SIRT2: variants seen among roughly 807,000 people sequenced by gnomAD.
The protein encoded by SIRT2 is sirtuin 2, also known as NAD-dependent protein deacetylase sirtuin-2.
In SIRT2, 40 loss-of-function variants were observed where a neutral mutation model predicts 57.4. That is an observed-to-expected ratio of 0.70 (90% CI 0.54 to 0.91). The LOEUF is 0.91. SIRT2 is among the 40% of genes least tolerant of loss of function. SIRT2 has a pLI of 0.00. For synonymous variants in SIRT2, 161 were observed against 195.7 expected (o/e 0.82, Z 1.48); for missense variants, 439 against 510.4 (o/e 0.86, Z 1.35).
At chr19:38,894,938 C>T (rs1464611390) in intron 2 of SIRT2, 1 of 455,902 alleles carries the variant, frequency 2.2e-6, no homozygotes, top group Non-Finnish European at 4.4e-6. Flanking sequence ...CCCTAGGTGC[C>T]CCCCAGCCTC....
intron 2 of SIRT2, chr19:38,894,968 A>T: frequency 6.6e-6 from 3 of 454,316 alleles, no homozygotes; most frequent in Non-Finnish European, 1.3e-5. Flanking sequence ...CTATGTCCCA[A>T]ATGGACCCTG....
Position 38,897,678 on chromosome 19 carries a change from C to T in SIRT2, c.63+701G>A, listed in dbSNP as rs143218424. Among the ~76,000 whole-genome samples the T allele has an allele frequency of 9.2e-4, 140 of 152,238 alleles. 1 individual carries two copies. The highest frequency in any genetic ancestry group is 3.4e-3 in the Middle Eastern group (1 of 294). On this transcript the variant is annotated intron_variant, in intron 2 of 15. Transcript: ENST00000249396. The stretch of plus-strand genomic sequence containing the variant: ...TAGCTGGCAATGCAGGCATGCACCA[C>T]TACACATGGCTAATTTTTAAATATT...
rs532115883 is a variant in SIRT2, at chr19:38,888,973, G to A, written c.501+114C>T. 39 of 892,546 alleles carry A rather than the reference G, an allele frequency of 4.4e-5. No individual in the cohort carries two copies. The African/African-American group carries it at 4.7e-4, about 11-fold the overall frequency. 55.3% of individuals were successfully genotyped at this position (892,546 alleles called of 1,614,324 possible). A position where few individuals can be genotyped will look rare whatever the true frequency, so the allele number is the denominator to read the frequency against. ...AGGCAGTAGGCCAAGCCCTGGCCCC[G>A]CATTGCTGGAGTCCCCGCCTGAGCT... is the stretch of plus-strand genomic sequence containing the variant. On this transcript the variant is annotated intron_variant, in intron 8 of 15. Coordinates refer to ENST00000249396, the MANE Select transcript of SIRT2 (RefSeq NM_012237.4).
chr19:38,879,234 C>T lies in SIRT2; in HGVS notation c.1091G>A (p.Ser364Asn), dbSNP rs1309839331. The change falls in exon 16 of 16, where the codon AGC becomes AAC. Residue 364 changes from serine (S) to asparagine (N), a missense_variant. Coordinates refer to ENST00000249396, the MANE Select transcript of SIRT2 (RefSeq NM_012237.4). ...AQSGAGVPNP[S>N]TSASPKKSPP... is the part of the protein sequence containing the mutation. ...GGACTTCTTGGGGGAAGCTGAAGTG[C>T]TGGGGTTGGGGACCCCCGCCCCCGA... 6.2e-7 allele frequency: 1 copy of T among 1,602,324 alleles called. No individual in the cohort carries two copies. Among genetic ancestry groups the T allele is most frequent in the Non-Finnish European group, 8.5e-7 (1 of 1,176,778 alleles).
chr19:38,889,637 G>A (rs1019519021), intron 7 of SIRT2, 52 bp downstream of exon 7: 18 of 1,601,192 alleles, frequency 1.1e-5, no homozygotes, highest in East Asian at 2.2e-5. Flanking sequence ...CTTCTCATGC[G>A]TGCCCTCCCC....
rs533649015 is a variant in SIRT2, at chr19:38,880,425, C to A, written c.876+260G>T. Reference sequence around the variant, plus strand: ...GCACTGTCTCTCCTGACCCCTGCACCCCCTCCCACCTCCTCAGTCCCTGGA... The same window carrying A: ...GCACTGTCTCTCCTGACCCCTGCACACCCTCCCACCTCCTCAGTCCCTGGA... On this transcript the variant is annotated intron_variant, in intron 13 of 15. Coordinates refer to ENST00000249396, the MANE Select transcript of SIRT2 (RefSeq NM_012237.4). This position sits in a 1 kb window ranked among gnomAD's most constrained non-coding sequence, Gnocchi z 4.1. 2.8e-5 allele frequency: 12 copies of A among 430,222 alleles called. No homozygotes were observed. The South Asian group carries it at 5.6e-4, about 20-fold the overall frequency. 26.7% of individuals were successfully genotyped at this position (430,222 alleles called of 1,614,324 possible).
In SIRT2 at chr19:38,888,893, G is replaced by A. The variant is rs528397703; in HGVS notation, c.501+194C>T. Among the ~76,000 whole-genome samples, 24 of 152,368 alleles carry A rather than the reference G, an allele frequency of 1.6e-4. No individual in the cohort carries two copies. In the East Asian group the frequency reaches 1.9e-3, roughly 12 times the overall value. On this transcript the variant is annotated intron_variant, in intron 8 of 15. Coordinates refer to ENST00000249396, the MANE Select transcript of SIRT2 (RefSeq NM_012237.4). ...AAACCTTTTCTGGCCCCTGTTTGACGGAAGGGGAAACTGAGGCAGAGAAGA... is the reference window on the plus strand; with the variant it reads ...AAACCTTTTCTGGCCCCTGTTTGACAGAAGGGGAAACTGAGGCAGAGAAGA...
intron 5 of SIRT2, 50 bp from the exon 6 acceptor site, chr19:38,890,011 C>T: frequency 6.2e-7 from 1 of 1,610,666 alleles, no homozygotes; most frequent in South Asian, 1.1e-5. Flanking sequence ...ACTAACCCTC[C>T]CAGGACAGGG....
intron 10 of SIRT2, 109 bp downstream of exon 10, chr19:38,881,323 G>A: frequency 8.2e-7 from 1 of 1,217,108 alleles, no homozygotes; most frequent in Non-Finnish European, 1.2e-6. Flanking sequence ...ACTGTTCAGA[G>A]AGACAGAGGT....
chr19:38,889,036 A>G (rs749839264), intron 8 of SIRT2, 51 bp downstream of exon 8: 4 of 1,547,748 alleles, frequency 2.6e-6, no homozygotes, highest in Non-Finnish European at 3.5e-6. Flanking sequence ...TGAGGACACC[A>G]TGCCCGTTCC....
chr19:38,894,718 C>T (rs1385584926), intron 2 of SIRT2: 2 of 446,036 alleles, frequency 4.5e-6, no homozygotes, highest in Admixed American at 4.8e-5. Context: ...GCCCACCTCT[C>T]CAGCAACCTC....
chr19:38,896,769 C>G (rs1973730557), intron 2 of SIRT2, among the ~76,000 whole-genome samples: 1 of 152,200 alleles, frequency 6.6e-6, no homozygotes, highest in Non-Finnish European at 1.5e-5. Flanking sequence ...CTCTTATATC[C>G]TTAGCAAAGC....
intron 9 of SIRT2, among the ~76,000 whole-genome samples, chr19:38,882,730 A>G (rs1386272215): frequency 1.3e-5 from 2 of 152,086 alleles, no homozygotes; most frequent in Non-Finnish European, 2.9e-5. Flanking sequence ...TTCATTCAGC[A>G]CACATTTATA....
rs1044552865 is a variant in SIRT2, at chr19:38,880,762, C to T, written c.825-26G>A. On this transcript the variant is annotated intron_variant, in intron 12 of 15. Coordinates refer to ENST00000249396, the MANE Select transcript of SIRT2 (RefSeq NM_012237.4). This position sits in a 1 kb window ranked among gnomAD's most constrained non-coding sequence, Gnocchi z 4.1. ...CTGTGGGGAGGGGGAGCTAAGGGGT[C>T]AGGGTCTGTCCTGGCCCTGGGTGCC... 6.2e-7 allele frequency: 1 copy of T among 1,611,428 alleles called. No individual in the cohort carries two copies. Among genetic ancestry groups the T allele is most frequent in the Non-Finnish European group, 8.5e-7 (1 of 1,178,114 alleles).
At position 38,881,217 on chromosome 19, in the gene SIRT2, G is replaced by A; in HGVS notation, c.692-62C>T. Reference sequence around the variant, plus strand: ...CATGGGGAGGCAGAGAGGACAGGTGGGAGCAATGGCAGACCCGGAGGCCAC... The same window carrying A: ...CATGGGGAGGCAGAGAGGACAGGTGAGAGCAATGGCAGACCCGGAGGCCAC... On this transcript the variant is annotated intron_variant, in intron 10 of 15. Coordinates refer to ENST00000249396, the MANE Select transcript of SIRT2 (RefSeq NM_012237.4). 7 of 1,537,248 alleles carry A rather than the reference G, an allele frequency of 4.6e-6. No individual in the cohort carries two copies. The South Asian group carries it at 8.1e-5, about 18-fold the overall frequency.
chr19:38,881,220 G>T, intron 10 of SIRT2, 65 bp from the exon 11 acceptor site: 1 of 1,513,728 alleles, frequency 6.6e-7, no homozygotes, highest in Non-Finnish European at 9.1e-7. Flanking sequence ...ACAGGTGGGA[G>T]CAATGGCAGA....
Position 38,898,393 on chromosome 19 carries a change from C to T in SIRT2, c.49G>A (p.Val17Met), listed in dbSNP as rs1428015087. The change falls in exon 2 of 16, where the codon GTG becomes ATG. Residue 17 changes from valine to methionine, a missense_variant. Physicochemically the swap from Val to Met is conservative, Grantham distance 21. Transcript: ENST00000249396. ...CCCCATCTCACCTGAGCCTCCTGCA[C>T]CTTCCCTGCCTGGGTCTCCAGAGGG... is the stretch of plus-strand genomic sequence containing the variant. ...SHPLETQAGK[V>M]QEAQDSDSDS... 7.1e-6 allele frequency: 11 copies of T among 1,553,432 alleles called. No individual in the cohort carries two copies. The African/African-American group carries it at 1.4e-4, about 19-fold the overall frequency.
At position 38,880,456 on chromosome 19, in the gene SIRT2, G is replaced by A. The variant is rs371312346; in HGVS notation, c.876+229C>T. The A allele has an allele frequency of 5.5e-4, 226 of 412,522 alleles. 2 individuals are homozygous for A. Among genetic ancestry groups the A allele is most frequent in the African/African-American group, 4.2e-3 (203 of 48,376 alleles). 25.6% of individuals were successfully genotyped at this position (412,522 alleles called of 1,614,324 possible). A position where few individuals can be genotyped will look rare whatever the true frequency, so the allele number is the denominator to read the frequency against. On this transcript the variant is annotated intron_variant, in intron 13 of 15. Transcript: ENST00000249396. The surrounding 1 kb of genome is among the most constrained non-coding windows in gnomAD (Gnocchi z 4.1). ...CCACCTCCTCAGTCCCTGGAAGCCCGGCCTTCCTATCTGGCTTCAGCTGGT... is the reference window on the plus strand; with the variant it reads ...CCACCTCCTCAGTCCCTGGAAGCCCAGCCTTCCTATCTGGCTTCAGCTGGT...
At chr19:38,894,983 C>T (rs1479553628) in intron 2 of SIRT2, 2 of 454,312 alleles carry the variant, frequency 4.4e-6, no homozygotes, top group Non-Finnish European at 8.9e-6. Context: ...ACCCTGGCAT[C>T]TCCTCCAAGC....
Sources: allele counts gnomAD v4.1 joint callset (sites outside exome capture counted in the v4.1 genomes callset), GRCh38; gene constraint gnomAD v4.1.1; non-coding constraint Gnocchi (gnomAD v3.1); transcripts MANE v1.5; gene names NCBI Gene and HGNC (gene_info 2026-07-23, HGNC 2026-07-21).